Variants in LIN52 observed in about 807,000 individuals in gnomAD.
The protein encoded by LIN52 is protein lin-52 homolog.
LIN52 carries 4 observed loss-of-function variants against 18.5 expected under a neutral mutation model. The observed-to-expected ratio is 0.22, with a 90% CI of 0.11 to 0.49. LIN52 has a LOEUF of 0.49. Among genes scored for constraint, LIN52 ranks in the 20% least tolerant of loss-of-function variants. The pLI is 0.97. For synonymous variants in LIN52, 34 were observed against 45.5 expected (o/e 0.75, Z 1.02); for missense variants, 102 against 139.5 (o/e 0.73, Z 1.35).
At chr14:74,167,133 A>G (rs530896744) in intron 5 of LIN52, among the ~76,000 whole-genome samples, 1,127 of 43,596 alleles carry the variant, frequency 0.026, 7 homozygotes, top group Non-Finnish European at 0.047. Flanking sequence ...TTTTTTTTTT[A>G]GAAAAAGAAA....
intron 5 of LIN52, among the ~76,000 whole-genome samples, chr14:74,152,196 G>A (rs1262822697): frequency 6.6e-6 from 1 of 151,538 alleles, no homozygotes; most frequent in Non-Finnish European, 1.5e-5. Flanking sequence ...CCAGGAGGCG[G>A]AGGCTGCAGT....
At position 74,155,790 on chromosome 14, in the gene LIN52, G is replaced by A. The variant is rs146021308; in HGVS notation, c.284-43132G>A. Among the ~76,000 whole-genome samples, 608 of 152,276 alleles carry A rather than the reference G, an allele frequency of 4.0e-3. 5 individuals carry two copies. Among genetic ancestry groups the A allele is most frequent in the African/African-American group, 0.014 (576 of 41,554 alleles). On this transcript the variant is annotated intron_variant, in intron 5 of 5. Coordinates refer to ENST00000555028, the MANE Select transcript of LIN52 (RefSeq NM_001024674.3). ...TTACTCCTCCTTCAGATTGGCTTTT[G>A]TTTGGGCAGATCACTTTCTCTTGTA... is the stretch of plus-strand genomic sequence containing the variant.
chr14:74,183,537 G>A (rs1046813722), intron 5 of LIN52, among the ~76,000 whole-genome samples: 1 of 152,132 alleles, frequency 6.6e-6, no homozygotes, highest in Non-Finnish European at 1.5e-5. Flanking sequence ...ATTATGATAT[G>A]TAGTGATAAT....
chr14:74,134,053 C>T (rs902117081), intron 5 of LIN52, among the ~76,000 whole-genome samples: 1 of 152,150 alleles, frequency 6.6e-6, no homozygotes, highest in Non-Finnish European at 1.5e-5. Flanking sequence ...AGGAGGTACA[C>T]GGGAAGTTTT....
At chr14:74,185,706 A>G (rs1053330274) in intron 5 of LIN52, among the ~76,000 whole-genome samples, 11 of 152,220 alleles carry the variant, frequency 7.2e-5, no homozygotes, top group African/African-American at 2.7e-4. Context: ...CAAAATAACT[A>G]ACTACATATA....
intron 5 of LIN52, among the ~76,000 whole-genome samples, chr14:74,122,012 C>A (rs1035750960): frequency 9.0e-5 from 11 of 122,428 alleles, no homozygotes; most frequent in Non-Finnish European, 1.3e-4. Flanking sequence ...TCTCATATTC[C>A]CATGAGAAGA....
chr14:74,157,069 G>C (rs1428449610), intron 5 of LIN52, among the ~76,000 whole-genome samples: 1 of 123,786 alleles, frequency 8.1e-6, no homozygotes, highest in Non-Finnish European at 1.6e-5. Flanking sequence ...TTTCACTCTT[G>C]TCACCTAGGC....
intron 5 of LIN52, among the ~76,000 whole-genome samples, chr14:74,172,830 G>T (rs1367731476): frequency 1.3e-5 from 2 of 152,180 alleles, no homozygotes; most frequent in African/African-American, 2.4e-5. Context: ...GATTATGGAG[G>T]TTCCTATGGG....
At chr14:74,108,062 C>A (rs74400932) in intron 5 of LIN52, among the ~76,000 whole-genome samples, 4,239 of 152,286 alleles carry the variant, frequency 0.028, 81 homozygotes, top group Non-Finnish European at 0.043. Flanking sequence ...CTGTTACTTA[C>A]TGGCTTCATG....
At chr14:74,089,368 G>T (rs991262677) in intron 1 of LIN52, among the ~76,000 whole-genome samples, 5 of 140,708 alleles carry the variant, frequency 3.6e-5, no homozygotes, top group African/African-American at 1.3e-4. Flanking sequence ...GTTTAAGTGG[G>T]GATTTTTTTT....
chr14:74,116,253 A>G (rs192471386), intron 5 of LIN52, among the ~76,000 whole-genome samples: 12 of 152,336 alleles, frequency 7.9e-5, no homozygotes, highest in African/African-American at 2.9e-4. Flanking sequence ...TAGTGGGCCA[A>G]GATTAAGCCA....
chr14:74,144,984 C>T (rs925357597), intron 5 of LIN52, among the ~76,000 whole-genome samples: 3 of 152,256 alleles, frequency 2.0e-5, no homozygotes, highest in South Asian at 2.1e-4. Context: ...AAACAAGGCA[C>T]GTGATAGAAG....
At chr14:74,158,118 TA>T (rs1213325882) in intron 5 of LIN52, among the ~76,000 whole-genome samples, 1,177 of 65,910 alleles carry the variant, frequency 0.018, 22 homozygotes, top group African/African-American at 0.056. Context: ...TATATATATA[TA>T]TATATATTTT....
rs1297671999 is a variant in LIN52 at position 74,200,853 on chromosome 14, T to C, written c.*1876T>C. On this transcript the variant is annotated 3_prime_UTR_variant, in exon 6 of 6. Transcript: ENST00000555028. Reference sequence around the variant, plus strand: ...CGCATGTGGCCAAAAAATAGTGCCATAATGTCAAATTCTTCCTTTGCTCTG... The same window carrying C: ...CGCATGTGGCCAAAAAATAGTGCCACAATGTCAAATTCTTCCTTTGCTCTG... 1 of 152,154 alleles carries C rather than the reference T, an allele frequency of 6.6e-6. No individual in the cohort carries two copies. Among genetic ancestry groups the C allele is most frequent in the Non-Finnish European group, 1.5e-5 (1 of 68,026 alleles). 9.4% of individuals were successfully genotyped at this position (152,154 alleles called of 1,614,324 possible).
intron 5 of LIN52, among the ~76,000 whole-genome samples, chr14:74,149,076 G>A (rs951711055): frequency 6.6e-5 from 10 of 152,134 alleles, no homozygotes; most frequent in African/African-American, 2.2e-4. Flanking sequence ...TGTGACAGGC[G>A]GTGATGATTT....
chr14:74,182,762 C>A (rs761714661), intron 5 of LIN52, among the ~76,000 whole-genome samples: 1 of 152,102 alleles, frequency 6.6e-6, no homozygotes, highest in African/African-American at 2.4e-5. Context: ...TGAGAAGATT[C>A]AGTAAGTAAC....
chr14:74,196,741 G>A (rs887537049), intron 5 of LIN52, among the ~76,000 whole-genome samples: 42 of 152,082 alleles, frequency 2.8e-4, no homozygotes, highest in Non-Finnish European at 5.9e-5. Flanking sequence ...TACTAAGTGC[G>A]AGAGAACTTA....
intron 5 of LIN52, among the ~76,000 whole-genome samples, chr14:74,196,360 A>G (rs1181448658): frequency 2.0e-5 from 3 of 152,164 alleles, no homozygotes; most frequent in African/African-American, 7.2e-5. Context: ...TTGGGGAAAA[A>G]CAGTAAGGAG....
chr14:74,126,843 A>T (rs1803506401), intron 5 of LIN52, among the ~76,000 whole-genome samples: 1 of 152,252 alleles, frequency 6.6e-6, no homozygotes, highest in African/African-American at 2.4e-5. Context: ...TGAATGCACT[A>T]AATGCCACTG....
Sources: allele counts gnomAD v4.1 joint callset (sites outside exome capture counted in the v4.1 genomes callset), GRCh38; gene constraint gnomAD v4.1.1; transcripts MANE v1.5; gene names NCBI Gene and HGNC (gene_info 2026-07-23, HGNC 2026-07-21).